The following COL25A1 variants were observed in gnomAD, a reference collection of about 807,000 sequenced individuals.
COL25A1 encodes collagen type XXV alpha 1 chain.
A neutral mutation model predicts 128.4 loss-of-function variants in COL25A1; 103 were observed. The ratio of observed to expected loss-of-function variants is 0.80; its 90% confidence interval spans 0.68 to 0.94. COL25A1 has a LOEUF of 0.94. Ranked by LOEUF, COL25A1 falls within the 40% of genes least tolerant of loss-of-function variation. The probability of loss-of-function intolerance (pLI) is 0.00; values close to 1 mark genes in which losing one functional copy is unlikely to be tolerated. For synonymous variants in COL25A1, 279 were observed against 277.2 expected (o/e 1.01, Z -0.06); for missense variants, 745 against 840.0 (o/e 0.89, Z 1.40).
intron 37 of COL25A1, among the ~76,000 whole-genome samples, chr4:108,816,626 G>GTC (rs996807352): frequency 2.0e-5 from 3 of 152,002 alleles, no homozygotes; most frequent in Non-Finnish European, 4.4e-5. Flanking sequence ...GCTTTCCATT[G>GTC]TCTCTCTCTC....
intron 3 of COL25A1, among the ~76,000 whole-genome samples, chr4:109,096,204 A>G (rs1765386649): frequency 6.6e-6 from 1 of 152,184 alleles, no homozygotes; most frequent in African/African-American, 2.4e-5. Flanking sequence ...TCAGCAGACA[A>G]TAAAACTTTA....
At chr4:108,889,089 A>C (rs574852096) in intron 18 of COL25A1, 132 bp downstream of exon 18, 1 of 857,844 alleles carries the variant, frequency 1.2e-6, no homozygotes, top group South Asian at 1.7e-5. Flanking sequence ...GCAAAACAAC[A>C]ATAACACTCT....
chr4:108,817,567 T>A, intron 36 of COL25A1, 132 bp from the exon 37 acceptor site: 1 of 664,498 alleles, frequency 1.5e-6, no homozygotes, highest in Non-Finnish European at 2.6e-6. Flanking sequence ...CTTTTACTAA[T>A]TAGCAACTCC....
intron 19 of COL25A1, among the ~76,000 whole-genome samples, chr4:108,877,467 A>G (rs1398994815): frequency 6.6e-6 from 1 of 152,194 alleles, no homozygotes; most frequent in Admixed American, 6.6e-5. Flanking sequence ...CACAGAAATG[A>G]TGTAAACTAC....
intron 16 of COL25A1, among the ~76,000 whole-genome samples, chr4:108,895,034 G>A (rs1741966036): frequency 6.6e-6 from 1 of 152,092 alleles, no homozygotes; most frequent in Non-Finnish European, 1.5e-5. Flanking sequence ...CCCCGTAACA[G>A]AGAATTATCT....
intron 3 of COL25A1, among the ~76,000 whole-genome samples, chr4:109,079,731 G>C (rs960485041): frequency 1.3e-5 from 2 of 151,900 alleles, no homozygotes; most frequent in African/African-American, 4.8e-5. Flanking sequence ...TTCTGGAGCT[G>C]ATAAGCACAT....
chr4:109,296,717 T>A (rs946779394), intron 3 of COL25A1, among the ~76,000 whole-genome samples: 1 of 152,114 alleles, frequency 6.6e-6, no homozygotes, highest in Non-Finnish European at 1.5e-5. Context: ...AACTTTGGAT[T>A]CTTTATTCCG....
chr4:109,178,604 C>A (rs1251740722), intron 3 of COL25A1, among the ~76,000 whole-genome samples: 2 of 151,946 alleles, frequency 1.3e-5, no homozygotes, highest in African/African-American at 4.8e-5. Flanking sequence ...GCGGGCAGAT[C>A]GTGAAGTCAG....
intron 16 of COL25A1, among the ~76,000 whole-genome samples, 192 bp from the exon 17 acceptor site, chr4:108,889,925 A>G (rs1741290795): frequency 6.6e-6 from 1 of 152,234 alleles, no homozygotes; most frequent in Non-Finnish European, 1.5e-5. Context: ...TTGTACCAAT[A>G]TCTCAGCTGT....
At chr4:109,254,469 T>TTTTATATATATATATATATATA (rs1357197026) in intron 3 of COL25A1, among the ~76,000 whole-genome samples, 1 of 59,590 alleles carries the variant, frequency 1.7e-5, no homozygotes, top group African/African-American at 5.6e-5. Context: ...AGGCATATGT[T>TTTTATATATATATATATATATA]TATATATATA....
intron 5 of COL25A1, among the ~76,000 whole-genome samples, chr4:109,046,555 T>C (rs915095734): frequency 2.0e-5 from 3 of 152,194 alleles, no homozygotes; most frequent in Non-Finnish European, 4.4e-5. Context: ...TTACTTAACA[T>C]GAAGAGACTT....
chr4:108,906,079 T>C (rs1743477779), intron 13 of COL25A1, among the ~76,000 whole-genome samples: 1 of 152,118 alleles, frequency 6.6e-6, no homozygotes, highest in Admixed American at 6.5e-5. Context: ...TAAAAGCAAG[T>C]CAGGCATAGA....
intron 19 of COL25A1, among the ~76,000 whole-genome samples, chr4:108,871,471 A>G (rs1738703218): frequency 1.3e-5 from 2 of 151,844 alleles, no homozygotes; most frequent in Non-Finnish European, 2.9e-5. Context: ...GCCCGCCACT[A>G]CGCCCGGCTA....
intron 3 of COL25A1, among the ~76,000 whole-genome samples, chr4:109,189,154 T>A (rs1312108469): frequency 6.6e-6 from 1 of 152,174 alleles, no homozygotes; most frequent in African/African-American, 2.4e-5. Flanking sequence ...TCATACTGGG[T>A]ACCTTTGTGC....
chr4:109,076,366 C>T (rs1763373486), intron 3 of COL25A1, among the ~76,000 whole-genome samples: 1 of 152,168 alleles, frequency 6.6e-6, no homozygotes, highest in Admixed American at 6.5e-5. Context: ...CCACTTTCAA[C>T]TTTTATTAAC....
chr4:109,171,931 G>A (rs150748600), intron 3 of COL25A1, among the ~76,000 whole-genome samples: 1 of 152,264 alleles, frequency 6.6e-6, no homozygotes, highest in African/African-American at 2.4e-5. Context: ...ATGGGTCTCT[G>A]TGCTGACACA....
At chr4:108,967,978 G>A (rs1313195910) in intron 8 of COL25A1, among the ~76,000 whole-genome samples, 1 of 152,172 alleles carries the variant, frequency 6.6e-6, no homozygotes, top group Non-Finnish European at 1.5e-5. Context: ...CGACAGCACA[G>A]ATAAAGCACC....
rs1748073226 is a variant in COL25A1 at position 108,941,394 on chromosome 4, T to C, written c.536A>G (p.Gln179Arg). Reference sequence around the variant, plus strand: ...AATCAGGCGGCGTTTAATGAGCTGCTGATCAGCAGAGAGAAACCCATGATT... The same window carrying C: ...AATCAGGCGGCGTTTAATGAGCTGCCGATCAGCAGAGAGAAACCCATGATT... Reference protein sequence around the residue: ...KINHGFLSADQQLIKRRLIKG... With the variant: ...KINHGFLSADRQLIKRRLIKG... Residue 179 changes from glutamine to arginine, a missense_variant, in exon 9 of 38, where the codon CAG (glutamine) becomes CGG (arginine). Around this residue, in one of 3 missense-constraint regions of COL25A1, gnomAD observed 319 missense variants for 324.9 expected, o/e 0.98. Coordinates refer to ENST00000399132, the MANE Select transcript of COL25A1 (RefSeq NM_198721.4). 2.5e-6 allele frequency: 4 copies of C among 1,613,964 alleles called. No homozygotes were observed. The highest frequency in any genetic ancestry group is 1.3e-5 in the African/African-American group (1 of 74,926).
intron 3 of COL25A1, among the ~76,000 whole-genome samples, chr4:109,178,792 G>A (rs751706687): frequency 7.7e-6 from 1 of 130,160 alleles, no homozygotes; most frequent in African/African-American, 3.1e-5. Context: ...CTGAGATTGC[G>A]CCACTGCACT....
Sources: gnomAD v4.1 joint callset for allele counts (sites outside exome capture counted in the v4.1 genomes callset) on GRCh38, gnomAD v4.1.1 for gene constraint, gnomAD v4.1.1 regional missense constraint, MANE v1.5 for transcripts, NCBI Gene and HGNC (gene_info 2026-07-23, HGNC 2026-07-21) for gene names.